NLGN1: variants seen among roughly 807,000 people sequenced by gnomAD.
NLGN1 encodes the protein neuroligin 1, also known as neuroligin-1.
A neutral mutation model predicts 65.5 loss-of-function variants in NLGN1; 12 were observed. The observed-to-expected ratio is 0.18, with a 90% confidence interval of 0.12 to 0.30. The LOEUF (loss-of-function observed/expected upper bound fraction) is 0.30, where lower values mean the gene tolerates loss of function less well. NLGN1 is among the 10% of genes least tolerant of loss of function. NLGN1 has a pLI of 1.00. For synonymous variants in NLGN1, 350 were observed against 359.5 expected (o/e 0.97, Z 0.30); for missense variants, 750 against 1,007.1 (o/e 0.74, Z 3.46).
intron 4 of NLGN1, among the ~76,000 whole-genome samples, chr3:174,033,008 A>G (rs112965816): frequency 2.0e-5 from 3 of 150,444 alleles, no homozygotes; most frequent in South Asian, 4.2e-4. Flanking sequence ...CTATCTATAT[A>G]TATAGATCTA....
At chr3:173,724,830 A>G (rs1481550221) in intron 3 of NLGN1, among the ~76,000 whole-genome samples, 1 of 152,214 alleles carries the variant, frequency 6.6e-6, no homozygotes, top group African/African-American at 2.4e-5. Flanking sequence ...TGGCACATAT[A>G]CACCATGGAA....
intron 4 of NLGN1, among the ~76,000 whole-genome samples, chr3:174,270,944 G>A (rs1044320427): frequency 2.0e-5 from 3 of 151,718 alleles, no homozygotes; most frequent in African/African-American, 7.3e-5. Context: ...CTAGAAGGAC[G>A]TCTCACTATC....
At chr3:173,594,723 A>G (rs560465114) in intron 2 of NLGN1, among the ~76,000 whole-genome samples, 1 of 152,360 alleles carries the variant, frequency 6.6e-6, no homozygotes, top group African/African-American at 2.4e-5. Context: ...CCGCTGCTGC[A>G]GCAAACTTCA....
intron 5 of NLGN1, among the ~76,000 whole-genome samples, chr3:174,276,725 A>T (rs1750665096): frequency 1.3e-5 from 2 of 151,940 alleles, no homozygotes; most frequent in Admixed American, 6.6e-5. Flanking sequence ...TTTCATTTAT[A>T]TTAGTAAAAT....
chr3:173,834,601 G>C (rs1257413616), intron 4 of NLGN1, among the ~76,000 whole-genome samples: 1 of 152,092 alleles, frequency 6.6e-6, no homozygotes, highest in African/African-American at 2.4e-5. Flanking sequence ...TTACCACTTA[G>C]GGTACATTAT....
rs538676449 is a variant in NLGN1, at chr3:174,217,602, C to T, written c.647-57713C>T. On this transcript the variant is annotated intron_variant, in intron 4 of 6. Coordinates refer to ENST00000457714, the Ensembl canonical transcript of NLGN1. ...TTTATAAGAGCTCTAATCCCCTTCACGAAGGCCCACTTTCATGACATAATT... is the reference window on the plus strand; with the variant it reads ...TTTATAAGAGCTCTAATCCCCTTCATGAAGGCCCACTTTCATGACATAATT... Among the ~76,000 whole-genome samples, 14 of 152,120 alleles carry T rather than the reference C, an allele frequency of 9.2e-5. No homozygotes were observed. In the South Asian group the frequency reaches 1.0e-3, roughly 11 times the overall value.
rs139208859 is a variant in NLGN1 at position 174,167,240 on chromosome 3, G to A, written c.647-108075G>A. 3.4e-3 allele frequency among the ~76,000 whole-genome samples: 520 copies of A among 151,960 alleles called. 2 individuals carry two copies. The highest frequency in any genetic ancestry group is 0.012 in the African/African-American group (497 of 41,500). On this transcript the variant is annotated intron_variant, in intron 4 of 6. Transcript: ENST00000457714. ...CCTATTGTGAAGTTGTTAGCTGGTT[G>A]TTTTGTAGTTTCTATTGTGTTTTAT... is the stretch of plus-strand genomic sequence containing the variant.
At chr3:173,416,851 G>T (rs1027395538) in intron 1 of NLGN1, among the ~76,000 whole-genome samples, 2 of 152,028 alleles carry the variant, frequency 1.3e-5, no homozygotes, top group African/African-American at 4.8e-5. Flanking sequence ...TATTTTGAGA[G>T]ACATATAAAG....
intron 4 of NLGN1, among the ~76,000 whole-genome samples, chr3:173,903,658 G>A (rs373892702): frequency 9.2e-5 from 14 of 152,236 alleles, no homozygotes; most frequent in African/African-American, 3.1e-4. Flanking sequence ...CTGTGCTCAA[G>A]GTACAGAATA....
chr3:173,860,043 T>G (rs1358975016), intron 4 of NLGN1, among the ~76,000 whole-genome samples: 1 of 152,036 alleles, frequency 6.6e-6, no homozygotes, highest in Non-Finnish European at 1.5e-5. Flanking sequence ...CTATTTTGTT[T>G]CTTTGTTTTC....
At chr3:173,488,801 A>G (rs917227584) in intron 2 of NLGN1, among the ~76,000 whole-genome samples, 4 of 151,946 alleles carry the variant, frequency 2.6e-5, no homozygotes, top group African/African-American at 9.7e-5. Flanking sequence ...TATTGTATCT[A>G]TCATGAAAAA....
At chr3:173,503,289 C>T (rs1185905613) in intron 2 of NLGN1, among the ~76,000 whole-genome samples, 1 of 152,034 alleles carries the variant, frequency 6.6e-6, no homozygotes, top group Admixed American at 6.6e-5. Context: ...CAAATATATG[C>T]TGAGTACCTA....
At chr3:173,757,300 C>T (rs753926606) in intron 3 of NLGN1, among the ~76,000 whole-genome samples, 6 of 151,952 alleles carry the variant, frequency 3.9e-5, no homozygotes, top group Non-Finnish European at 8.8e-5. Flanking sequence ...ATGTGACATA[C>T]TGATCCTATC....
intron 3 of NLGN1, among the ~76,000 whole-genome samples, chr3:173,633,890 T>G (rs1367719806): frequency 4.6e-5 from 7 of 152,184 alleles, no homozygotes. Flanking sequence ...CCATAGCTTG[T>G]TAAACCTCTT....
At chr3:174,179,734 G>T (rs1015535940) in intron 4 of NLGN1, among the ~76,000 whole-genome samples, 3 of 151,954 alleles carry the variant, frequency 2.0e-5, no homozygotes, top group African/African-American at 7.2e-5. Context: ...ATTTCTGGGG[G>T]TTATTACCCC....
intron 2 of NLGN1, among the ~76,000 whole-genome samples, chr3:173,559,728 G>A (rs767101619): frequency 6.6e-6 from 1 of 152,126 alleles, no homozygotes; most frequent in Non-Finnish European, 1.5e-5. Context: ...GAGATGTAAA[G>A]AAAAGTGTTA....
intron 4 of NLGN1, among the ~76,000 whole-genome samples, chr3:173,965,349 AC>A (rs1388573368): frequency 6.6e-6 from 1 of 151,880 alleles, no homozygotes; most frequent in African/African-American, 2.4e-5. Flanking sequence ...ACAGAGTCTC[AC>A]CCCATCACCC....
intron 3 of NLGN1, among the ~76,000 whole-genome samples, chr3:173,747,275 G>GT (rs1000090511): frequency 4.6e-5 from 6 of 129,954 alleles, no homozygotes; most frequent in Non-Finnish European, 9.5e-5. Flanking sequence ...ATATCTTTAA[G>GT]TATATATATT....
At chr3:173,608,555 C>A (rs542087078) in intron 3 of NLGN1, among the ~76,000 whole-genome samples, 14 of 151,906 alleles carry the variant, frequency 9.2e-5, no homozygotes, top group African/African-American at 3.4e-4. Context: ...AACTTTTTAT[C>A]TCTATTTTAC....
Sources: allele counts gnomAD v4.1 joint callset (sites outside exome capture counted in the v4.1 genomes callset), GRCh38; gene constraint gnomAD v4.1.1; transcripts MANE v1.5; gene names NCBI Gene and HGNC (gene_info 2026-07-23, HGNC 2026-07-21).